Variants in CTU1 observed in about 807,000 individuals in gnomAD.
The protein encoded by CTU1 is cytoplasmic tRNA 2-thiolation protein 1.
In CTU1, 15 loss-of-function variants were observed where a neutral mutation model predicts 12.9. That is an observed-to-expected ratio of 1.16 (90% CI 0.78 to 1.79). The LOEUF is 1.79. CTU1 is among the 40% of genes most tolerant of loss of function. The pLI is 0.00. For synonymous variants in CTU1, 295 were observed against 275.6 expected, an observed-to-expected ratio of 1.07 and a Z score of -0.70; for missense variants, 553 against 550.5, an observed-to-expected ratio of 1.00 and a Z score of -0.05.
rs554940482 is a variant in CTU1 at position 51,100,610 on chromosome 19, A to G, written c.509-1471T>C. 7.9e-5 allele frequency among the ~76,000 whole-genome samples: 12 copies of G among 152,230 alleles called. No individual in the cohort carries two copies. In the South Asian group the frequency reaches 2.1e-3, roughly 26 times the overall value. ...CAAGACTCTGTCTCAAAAGAAAAAAAAGAAAAGAAAATGGAGGAAGGGACC... is the reference window on the plus strand; with the variant it reads ...CAAGACTCTGTCTCAAAAGAAAAAAGAGAAAAGAAAATGGAGGAAGGGACC... On this transcript the variant is annotated intron_variant, in intron 2 of 2. Transcript: ENST00000421832.
At chr19:51,100,152 G>C (rs1297559175) in intron 2 of CTU1, among the ~76,000 whole-genome samples, 1 of 152,084 alleles carries the variant, frequency 6.6e-6, no homozygotes, top group South Asian at 2.1e-4. Context: ...GGTGGCTGGA[G>C]GTGGACACAG....
At chr19:51,104,675 C>T in intron 1 of CTU1, 85 bp from the exon 2 acceptor site, 1 of 1,067,144 alleles carries the variant, frequency 9.4e-7, no homozygotes. Context: ...CTGGATTGCA[C>T]CTCTGCCCGG....
intron 2 of CTU1, among the ~76,000 whole-genome samples, 197 bp downstream of exon 2, chr19:51,103,865 T>C (rs575202681): frequency 1.3e-5 from 2 of 152,188 alleles, no homozygotes; most frequent in Non-Finnish European, 2.9e-5. Context: ...GTCTTGAACC[T>C]TTAAAGGGCC....
In CTU1 at chr19:51,104,215, C is replaced by T. The variant is rs951202027; in HGVS notation, c.355G>A (p.Glu119Lys). The T allele has an allele frequency of 6.6e-7, 1 of 1,519,892 alleles. No homozygotes were observed. The highest frequency in any genetic ancestry group is 8.8e-7 in the Non-Finnish European group (1 of 1,139,966). 94.2% of individuals were successfully genotyped at this position (1,519,892 alleles called of 1,614,324 possible). A position where few individuals can be genotyped will look rare whatever the true frequency, so the allele number is the denominator to read the frequency against. ...WELPLTVVAY[E>K]DLFGGWTMDA... The stretch of plus-strand genomic sequence containing the variant: ...ATCGTCCAGCCCCCAAAGAGGTCTT[C>T]GTAGGCCACGACCGTGAGCGGCAGC... Residue 119 changes from glutamate to lysine, a missense_variant, in exon 2 of 3, where the codon GAA becomes AAA. Transcript: ENST00000421832.
At chr19:51,101,663 C>A (rs1033403527) in intron 2 of CTU1, among the ~76,000 whole-genome samples, 1 of 152,170 alleles carries the variant, frequency 6.6e-6, no homozygotes, top group African/African-American at 2.4e-5. Flanking sequence ...ATGGTTACCT[C>A]CCAAAGACCT....
chr19:51,104,177 G>C lies in CTU1; in HGVS notation c.393C>G (p.Ala131=). ...TGCGGCCGGAGCCGGCTGTGCTGCG[G>C]GCCACGGCGTCCATCGTCCAGCCCC... is the stretch of plus-strand genomic sequence containing the variant. ...LFGGWTMDAV[A]RSTAGSGRSR... Residue 131 remains alanine (A), a synonymous_variant, in exon 2 of 3, where the codon GCC becomes GCG. Coordinates refer to ENST00000421832, the MANE Select transcript of CTU1 (RefSeq NM_145232.4). 6.6e-7 allele frequency: 1 copy of C among 1,522,322 alleles called. No individual in the cohort carries two copies. The highest frequency in any genetic ancestry group is 8.8e-7 in the Non-Finnish European group (1 of 1,141,500). The allele number at this position is 1,522,322 out of a possible 1,614,324, so 94.3% of individuals were successfully genotyped here.
chr19:51,103,071 G>A (rs1200087053), intron 2 of CTU1, among the ~76,000 whole-genome samples: 1 of 152,162 alleles, frequency 6.6e-6, no homozygotes, highest in Non-Finnish European at 1.5e-5. Context: ...TGTATAAAAT[G>A]TGTAATCTAT....
chr19:51,107,110 G>A (rs2091922511), intron 1 of CTU1, among the ~76,000 whole-genome samples: 1 of 152,174 alleles, frequency 6.6e-6, no homozygotes, highest in Admixed American at 6.5e-5. Context: ...ACGTCCTGAG[G>A]AAGGGAGACG....
chr19:51,105,106 G>A (rs1000235230), intron 1 of CTU1, among the ~76,000 whole-genome samples: 1 of 152,148 alleles, frequency 6.6e-6, no homozygotes, highest in Admixed American at 6.5e-5. Flanking sequence ...AGCGGGAGGT[G>A]GAAAACAGGA....
At chr19:51,106,464 G>A (rs1259752920) in intron 1 of CTU1, among the ~76,000 whole-genome samples, 6 of 151,944 alleles carry the variant, frequency 3.9e-5, no homozygotes, top group Non-Finnish European at 4.4e-5. Flanking sequence ...CTCAGGTCCT[G>A]CCTAGCACCC....
rs535557890 is a variant in CTU1, at chr19:51,098,805, G to C, written c.843C>G (p.Pro281=). The C allele has an allele frequency of 5.1e-3, 5,331 of 1,047,898 alleles. 166 individuals are homozygous for C. The African/African-American group carries it at 0.073, about 14-fold the overall frequency. 64.9% of individuals were successfully genotyped at this position (1,047,898 alleles called of 1,614,324 possible). The change falls in exon 3 of 3, where the codon CCC becomes CCG. Residue 281 remains proline, a synonymous_variant. Coordinates refer to ENST00000421832, the MANE Select transcript of CTU1 (RefSeq NM_145232.4). The surrounding 1 kb of genome is among the most constrained non-coding windows in gnomAD (Gnocchi z 4.3). ...ERLALAPAAR[P]PRPGACSRCG... ...AGCGGGAGCAGGCGCCGGGGCGCGG[G>C]GGCCGCGCGGCCGGGGCCAGCGCCA...
At position 51,104,384 on chromosome 19, in the gene CTU1, C is replaced by A; in HGVS notation, c.186G>T (p.Lys62Asn). 2 of 1,312,482 alleles carry A rather than the reference C, an allele frequency of 1.5e-6. No individual in the cohort carries two copies. The highest frequency in any genetic ancestry group is 1.9e-6 in the Non-Finnish European group (2 of 1,031,738). 81.3% of individuals were successfully genotyped at this position (1,312,482 alleles called of 1,614,324 possible). ...AVVAVGASGG[K>N]DSTVLAHVLR... is the part of the protein sequence containing the mutation. Reference sequence around the variant, plus strand: ...GCACGTGCGCCAGCACCGTGGAGTCCTTGCCGCCCGAGGCGCCCACGGCCA... The same window carrying A: ...GCACGTGCGCCAGCACCGTGGAGTCATTGCCGCCCGAGGCGCCCACGGCCA... The change falls in exon 2 of 3, where the codon AAG (lysine) becomes AAT (asparagine). Residue 62 changes from lysine to asparagine, a missense_variant. Physicochemically the swap from Lys to Asn is moderately conservative, Grantham distance 94. Transcript: ENST00000421832.
intron 1 of CTU1, among the ~76,000 whole-genome samples, chr19:51,107,785 C>T (rs73598004): frequency 0.061 from 9,274 of 152,172 alleles, 983 homozygotes; most frequent in African/African-American, 0.21. Context: ...GTTTGACATG[C>T]ATGTTAAGCG....
At chr19:51,107,205 G>T (rs1384799074) in intron 1 of CTU1, among the ~76,000 whole-genome samples, 1 of 152,204 alleles carries the variant, frequency 6.6e-6, no homozygotes, top group Non-Finnish European at 1.5e-5. Flanking sequence ...GGAGATGGGA[G>T]CCTTGGGAGG....
chr19:51,100,054 C>T (rs1366735900), intron 2 of CTU1, among the ~76,000 whole-genome samples: 1 of 152,040 alleles, frequency 6.6e-6, no homozygotes, highest in Non-Finnish European at 1.5e-5. Context: ...CATGGAGCCC[C>T]TCTGGCACCA....
Position 51,098,947 on chromosome 19 carries a change from GAGA to G in CTU1, c.698_700del (p.Phe233del), listed in dbSNP as rs1156686780. 4.5e-6 allele frequency: 7 copies of G among 1,543,776 alleles called. No individual in the cohort carries two copies. The highest frequency in any genetic ancestry group is 6.1e-6 in the Non-Finnish European group (7 of 1,150,726). On this transcript the variant is annotated inframe_deletion, in exon 3 of 3. Transcript: ENST00000421832. The surrounding 1 kb of genome is among the most constrained non-coding windows in gnomAD (Gnocchi z 4.3). The stretch of plus-strand genomic sequence containing the variant: ...CTCGGGCGCGTAGACGCACTCCTCG[GAGA>G]AGTAGTCGAGGCGGCGGAAGTGCGC...
At position 51,098,962 on chromosome 19, in the gene CTU1, C is replaced by A; in HGVS notation, c.686G>T (p.Arg229Leu). 1.3e-6 allele frequency: 2 copies of A among 1,543,752 alleles called. No individual in the cohort carries two copies. The highest frequency in any genetic ancestry group is 1.7e-6 in the Non-Finnish European group (2 of 1,150,828). The change falls in exon 3 of 3, where the codon CGC becomes CTC. Residue 229 changes from arginine (R) to leucine (L), a missense_variant. Physicochemically the swap from Arg to Leu is moderately radical, Grantham distance 102. Around this residue, in one of 2 missense-constraint regions of CTU1, gnomAD observed 500 missense variants for 458.5 expected, o/e 1.09. Coordinates refer to ENST00000421832, the MANE Select transcript of CTU1 (RefSeq NM_145232.4). The surrounding 1 kb of genome is among the most constrained non-coding windows in gnomAD (Gnocchi z 4.3). The stretch of plus-strand genomic sequence containing the variant: ...GCACTCCTCGGAGAAGTAGTCGAGG[C>A]GGCGGAAGTGCGCGTACAGCACCAC... Reference protein sequence around the residue: ...KEVVLYAHFRRLDYFSEECVY... With the variant: ...KEVVLYAHFRLLDYFSEECVY...
rs1325177675 is a variant in CTU1, at chr19:51,104,175, CG to C, written c.394del (p.Arg132AlafsTer37). 1 of 1,520,694 alleles carries C rather than the reference CG, an allele frequency of 6.6e-7. No individual in the cohort carries two copies. 94.2% of individuals were successfully genotyped at this position (1,520,694 alleles called of 1,614,324 possible). ...FGGWTMDAVA[R>X]STAGSGRSRS... is the part of the protein sequence containing the mutation. ...GCTGCGGCCGGAGCCGGCTGTGCTG[CG>C]GGCCACGGCGTCCATCGTCCAGCCC... On this transcript the variant is annotated frameshift_variant, in exon 2 of 3. Transcript: ENST00000421832. LOFTEE classifies it high-confidence loss of function.
At chr19:51,106,963 C>CTG (rs1352963564) in intron 1 of CTU1, among the ~76,000 whole-genome samples, 1 of 152,178 alleles carries the variant, frequency 6.6e-6, no homozygotes. Context: ...GAAACCTGTT[C>CTG]TTGCCCATCT....
Sources: gnomAD v4.1 joint callset for allele counts (sites outside exome capture counted in the v4.1 genomes callset) on GRCh38, gnomAD v4.1.1 for gene constraint, gnomAD v4.1.1 regional missense constraint, Gnocchi (gnomAD v3.1) non-coding constraint, MANE v1.5 for transcripts, NCBI Gene and HGNC (gene_info 2026-07-23, HGNC 2026-07-21) for gene names.